The following RORB variants were observed in gnomAD, a reference collection of about 807,000 sequenced individuals.
RORB encodes the protein nuclear receptor ROR-beta.
Under a neutral mutation model 59.1 loss-of-function variants are expected in RORB, and 6 were observed. That is an observed-to-expected ratio of 0.10 (90% CI 0.06 to 0.20). The LOEUF (loss-of-function observed/expected upper bound fraction) is 0.20, where lower values mean the gene tolerates loss of function less well. RORB is among the 10% of genes least tolerant of loss of function. RORB has a pLI of 1.00. For missense variants in RORB, 320 were observed against 560.5 expected, an observed-to-expected ratio of 0.57 and a Z score of 4.33; for synonymous variants, 215 against 204.5, an observed-to-expected ratio of 1.05 and a Z score of -0.44.
chr9:74,641,458 T>A (rs1490232454), intron 3 of RORB, among the ~76,000 whole-genome samples: 1 of 152,116 alleles, frequency 6.6e-6, no homozygotes, highest in Non-Finnish European at 1.5e-5. Context: ...TTTTGGTCAC[T>A]TGCTAGGCAT....
At chr9:74,592,279 A>T (rs917096383) in intron 1 of RORB, among the ~76,000 whole-genome samples, 2 of 152,144 alleles carry the variant, frequency 1.3e-5, no homozygotes, top group African/African-American at 2.4e-5. Flanking sequence ...AATTCAAATT[A>T]TCAGGCCCCA....
At chr9:74,547,243 A>C (rs11144004) in intron 1 of RORB, among the ~76,000 whole-genome samples, 28,848 of 152,104 alleles carry the variant, frequency 0.19, 2,884 homozygotes, top group African/African-American at 0.26. Context: ...CAAGAATGGA[A>C]GAGATGGGAT....
intron 1 of RORB, among the ~76,000 whole-genome samples, chr9:74,607,094 A>G (rs1158034170): frequency 6.6e-6 from 1 of 152,172 alleles, no homozygotes; most frequent in Non-Finnish European, 1.5e-5. Flanking sequence ...GATTAAAGCA[A>G]TCAAAGCTCA....
rs1196207107 is a variant in RORB, at chr9:74,569,726, CAG to C, written c.8-60554_8-60553del. The stretch of plus-strand genomic sequence containing the variant: ...TTTGGTTTAAAATTTTAAAATACCT[CAG>C]AAAAACAATAAAAAGGAAATTATAT... On this transcript the variant is annotated intron_variant, in intron 1 of 9. Coordinates refer to ENST00000376896, the MANE Select transcript of RORB (RefSeq NM_006914.4). Among the ~76,000 whole-genome samples the C allele has an allele frequency of 3.9e-5, 6 of 152,050 alleles. 1 individual carries two copies. Among genetic ancestry groups the C allele is most frequent in the African/African-American group, 1.4e-4 (6 of 41,542 alleles).
chr9:74,585,659 T>G (rs1412873727), intron 1 of RORB, among the ~76,000 whole-genome samples: 4 of 152,144 alleles, frequency 2.6e-5, no homozygotes, highest in Non-Finnish European at 4.4e-5. Context: ...ACTAGTCCCT[T>G]TTTTCTCCGC....
intron 1 of RORB, among the ~76,000 whole-genome samples, chr9:74,507,170 T>C (rs1167704372): frequency 1.3e-5 from 2 of 152,080 alleles, no homozygotes; most frequent in Non-Finnish European, 2.9e-5. Flanking sequence ...ACTATTCTGG[T>C]TGGTGAATGG....
intron 1 of RORB, among the ~76,000 whole-genome samples, chr9:74,541,033 C>G (rs1452111210): frequency 2.0e-5 from 3 of 152,012 alleles, no homozygotes; most frequent in Middle Eastern, 3.2e-3. Flanking sequence ...ATAATTCCAG[C>G]ACTTTAGGAG....
intron 1 of RORB, among the ~76,000 whole-genome samples, chr9:74,534,494 C>T (rs1198475482): frequency 1.3e-5 from 2 of 151,940 alleles, no homozygotes; most frequent in Non-Finnish European, 2.9e-5. Context: ...CATAGAACAT[C>T]ATTGCAGCTT....
At chr9:74,607,949 A>C (rs1176170687) in intron 1 of RORB, among the ~76,000 whole-genome samples, 1 of 152,180 alleles carries the variant, frequency 6.6e-6, no homozygotes, top group Non-Finnish European at 1.5e-5. Context: ...AATTGGTTGC[A>C]GGAGAATGCG....
chr9:74,566,403 T>A (rs1822468669), intron 1 of RORB, among the ~76,000 whole-genome samples: 1 of 152,150 alleles, frequency 6.6e-6, no homozygotes, highest in African/African-American at 2.4e-5. Flanking sequence ...ATTTTGTTAG[T>A]TGTATTAGTT....
At chr9:74,545,185 A>C (rs139768604) in intron 1 of RORB, among the ~76,000 whole-genome samples, 1 of 151,632 alleles carries the variant, frequency 6.6e-6, no homozygotes, top group Non-Finnish European at 1.5e-5. Context: ...ACTAGTGTTA[A>C]GTTGCATGGA....
At chr9:74,581,690 C>T (rs1385982079) in intron 1 of RORB, among the ~76,000 whole-genome samples, 1 of 152,180 alleles carries the variant, frequency 6.6e-6, no homozygotes, top group African/African-American at 2.4e-5. Flanking sequence ...CTGCATCACT[C>T]TATTCAGAGG....
intron 1 of RORB, among the ~76,000 whole-genome samples, chr9:74,628,726 C>T (rs542640284): frequency 1.6e-4 from 24 of 152,198 alleles, no homozygotes; most frequent in Middle Eastern, 6.8e-3. Context: ...TGATATACAA[C>T]GCATTTTGAA....
chr9:74,557,162 A>C (rs1822317493), intron 1 of RORB, among the ~76,000 whole-genome samples: 1 of 152,272 alleles, frequency 6.6e-6, no homozygotes, highest in African/African-American at 2.4e-5. Flanking sequence ...AAATGAATCA[A>C]GGTGACCTCT....
chr9:74,551,957 G>A (rs1012463144), intron 1 of RORB, among the ~76,000 whole-genome samples: 1 of 152,302 alleles, frequency 6.6e-6, no homozygotes, highest in Admixed American at 6.5e-5. Flanking sequence ...CATAGTAAGA[G>A]AGCTGAGGTA....
chr9:74,556,497 G>A (rs1822291845), intron 1 of RORB, among the ~76,000 whole-genome samples: 1 of 152,152 alleles, frequency 6.6e-6, no homozygotes, highest in Admixed American at 6.5e-5. Flanking sequence ...CCATTTATCT[G>A]AGGATTTGGG....
chr9:74,613,526 T>A (rs1823264610), intron 1 of RORB, among the ~76,000 whole-genome samples: 1 of 152,158 alleles, frequency 6.6e-6, no homozygotes, highest in Admixed American at 6.6e-5. Context: ...CCCGTTAGAA[T>A]TACTTTAGAA....
At chr9:74,586,599 C>G (rs1180471437) in intron 1 of RORB, among the ~76,000 whole-genome samples, 1 of 34,028 alleles carries the variant, frequency 2.9e-5, no homozygotes. Context: ...TATGTAATGT[C>G]CGTGTGTGTG....
rs943462822 is a variant in RORB, at chr9:74,685,937, A to T, written c.*319A>T. 5.7e-6 allele frequency: 1 copy of T among 174,226 alleles called. No homozygotes were observed. Among genetic ancestry groups the T allele is most frequent in the Non-Finnish European group, 1.2e-5 (1 of 82,884 alleles). The allele number at this position is 174,226 out of a possible 1,614,324, so 10.8% of individuals were successfully genotyped here. A position where few individuals can be genotyped will look rare whatever the true frequency, so the allele number is the denominator to read the frequency against. ...ATTTTATTGTAGATATATACAAGAA[A>T]AGAGCGGTACTTTACATGATTACTT... On this transcript the variant is annotated 3_prime_UTR_variant, in exon 10 of 10. Transcript: ENST00000376896.
Sources: allele counts gnomAD v4.1 joint callset (sites outside exome capture counted in the v4.1 genomes callset), GRCh38; gene constraint gnomAD v4.1.1; transcripts MANE v1.5; gene names NCBI Gene and HGNC (gene_info 2026-07-23, HGNC 2026-07-21).